DNAH14: variants seen among roughly 807,000 people sequenced by gnomAD.
DNAH14 encodes the protein axonemal beta dynein heavy chain 14.
In DNAH14, 478 loss-of-function variants were observed where a neutral mutation model predicts 520.9. The observed-to-expected ratio is 0.92, with a 90% CI of 0.85 to 0.99. The LOEUF is 0.99. Among genes scored for constraint, DNAH14 ranks in the 50% least tolerant of loss-of-function variants. The pLI is 0.00. For synonymous variants in DNAH14, 1,581 were observed against 1,757.2 expected, an observed-to-expected ratio of 0.90 and a Z score of 2.51; for missense variants, 4,831 against 5,234.5, an observed-to-expected ratio of 0.92 and a Z score of 2.38.
At chr1:225,134,693 T>A (rs2148981699) in intron 27 of DNAH14, among the ~76,000 whole-genome samples, 1 of 152,262 alleles carries the variant, frequency 6.6e-6, no homozygotes, top group East Asian at 1.9e-4. Context: ...TCTTTTTTTG[T>A]TGTATCTCTG....
intron 17 of DNAH14, among the ~76,000 whole-genome samples, chr1:225,061,537 C>T (rs542919700): frequency 3.3e-5 from 5 of 152,376 alleles, no homozygotes; most frequent in African/African-American, 1.2e-4. Context: ...CCACTGCTGA[C>T]ACTGCCCAGT....
chr1:225,013,538 G>T (rs1021754656), intron 10 of DNAH14, among the ~76,000 whole-genome samples: 7 of 152,180 alleles, frequency 4.6e-5, no homozygotes, highest in African/African-American at 1.7e-4. Flanking sequence ...GTTTAAGTCT[G>T]CTGAAGCTCT....
intron 73 of DNAH14, among the ~76,000 whole-genome samples, chr1:225,358,081 T>C (rs369330894): frequency 3.3e-5 from 5 of 152,346 alleles, no homozygotes; most frequent in African/African-American, 1.2e-4. Flanking sequence ...AATGGAAGAA[T>C]TAATACTTTT....
In DNAH14 at chr1:225,374,701, T is replaced by G; in HGVS notation, c.12332T>G (p.Val4111Gly). The G allele has an allele frequency of 3.2e-6, 5 of 1,548,168 alleles. No individual in the cohort carries two copies. Among genetic ancestry groups the G allele is most frequent in the Non-Finnish European group, 4.4e-6 (5 of 1,144,742 alleles). Residue 4111 changes from valine (V) to glycine (G), a missense_variant, in exon 78 of 86, where the codon GTG (valine) becomes GGG (glycine). Transcript: ENST00000682510. ...GGTTTTCCAAAGGTTGCCATTAAGG[T>G]GTTGGAAAATTCCCTGAGAGGACAG... ...NSSDLGVAIK[V>G]LENSLRGQPS... is the part of the protein sequence containing the mutation.
chr1:225,005,537 G>T (rs1161369397), intron 9 of DNAH14, among the ~76,000 whole-genome samples: 1 of 152,112 alleles, frequency 6.6e-6, no homozygotes, highest in East Asian at 1.9e-4. Context: ...TCATCAGTAA[G>T]ACCAGAAAGG....
chr1:225,382,925 C>A (rs1406469091), intron 81 of DNAH14, among the ~76,000 whole-genome samples: 1 of 152,144 alleles, frequency 6.6e-6, no homozygotes, highest in Non-Finnish European at 1.5e-5. Context: ...AACAGTAGTT[C>A]TTCTGTGCTA....
intron 31 of DNAH14, among the ~76,000 whole-genome samples, chr1:225,151,362 G>A (rs2080484997): frequency 6.6e-6 from 1 of 152,016 alleles, no homozygotes; most frequent in African/African-American, 2.4e-5. Context: ...ACATTTCACT[G>A]ACTCTTCTAC....
At chr1:225,303,803 TG>T (rs2150083921) in intron 57 of DNAH14, among the ~76,000 whole-genome samples, 1 of 152,268 alleles carries the variant, frequency 6.6e-6, no homozygotes, top group South Asian at 2.1e-4. Flanking sequence ...GAACCTATTC[TG>T]GAGTGACTAA....
chr1:225,104,212 G>C (rs1034221099), intron 23 of DNAH14, among the ~76,000 whole-genome samples: 4 of 152,144 alleles, frequency 2.6e-5, no homozygotes, highest in Admixed American at 2.6e-4. Context: ...TGTTAAACCA[G>C]CCTTGAATCC....
chr1:225,078,803 TC>T, intron 17 of DNAH14, among the ~76,000 whole-genome samples: 1 of 48,208 alleles, frequency 2.1e-5, no homozygotes, highest in African/African-American at 5.6e-5. Context: ...TCTCTCTCTC[TC>T]TCTCTCTCTC....
chr1:225,335,937 A>G (rs115526846), intron 66 of DNAH14, among the ~76,000 whole-genome samples: 72 of 117,824 alleles, frequency 6.1e-4, no homozygotes, highest in African/African-American at 1.8e-3. Flanking sequence ...ATACCTATAT[A>G]TACATATATG....
intron 42 of DNAH14, among the ~76,000 whole-genome samples, chr1:225,233,927 C>T (rs1282126472): frequency 6.6e-6 from 1 of 152,108 alleles, no homozygotes; most frequent in Non-Finnish European, 1.5e-5. Context: ...TTTGGTTTTA[C>T]ATTTAAGTCT....
At chr1:225,254,420 A>T (rs2092667574) in intron 44 of DNAH14, among the ~76,000 whole-genome samples, 1 of 152,214 alleles carries the variant, frequency 6.6e-6, no homozygotes, top group Non-Finnish European at 1.5e-5. Flanking sequence ...GTTGCAGGTG[A>T]ATACAGGTGA....
chr1:225,177,434 C>T (rs2083451076), intron 36 of DNAH14, among the ~76,000 whole-genome samples: 1 of 152,124 alleles, frequency 6.6e-6, no homozygotes, highest in Non-Finnish European at 1.5e-5. Flanking sequence ...CAGAAATTTG[C>T]ATAAGTAATG....
At position 225,322,750 on chromosome 1, in the gene DNAH14, C is replaced by T; in HGVS notation, c.9422C>T (p.Ala3141Val). 1 of 1,551,698 alleles carries T rather than the reference C, an allele frequency of 6.4e-7. No individual in the cohort carries two copies. The highest frequency in any genetic ancestry group is 1.2e-5 in the South Asian group (1 of 84,056). Reference protein sequence around the residue: ...LLQKKPNWATAKLLLSETGFL... With the variant: ...LLQKKPNWATVKLLLSETGFL... ...CAAAAGAAACCTAACTGGGCAACGG[C>T]AAAGTTACTTCTTTCAGAAACTGGT... The change falls in exon 62 of 86, where the codon GCA becomes GTA. Residue 3141 changes from alanine (A) to valine (V), a missense_variant. By Grantham distance (64) the Ala-to-Val change is moderately conservative. Transcript: ENST00000682510.
chr1:225,227,774 C>G (rs529239976), intron 41 of DNAH14, among the ~76,000 whole-genome samples: 37 of 152,258 alleles, frequency 2.4e-4, no homozygotes, highest in African/African-American at 8.2e-4. Flanking sequence ...TCCCTTAACA[C>G]CTGGCATGGG....
chr1:225,177,921 G>T (rs2083507862), intron 36 of DNAH14, among the ~76,000 whole-genome samples: 1 of 152,120 alleles, frequency 6.6e-6, no homozygotes, highest in Non-Finnish European at 1.5e-5. Flanking sequence ...AACCCAGGAT[G>T]GTAGATCCAC....
intron 81 of DNAH14, among the ~76,000 whole-genome samples, chr1:225,386,885 T>C (rs1022062701): frequency 1.3e-5 from 2 of 152,242 alleles, no homozygotes; most frequent in Non-Finnish European, 2.9e-5. Context: ...TTACTGGGCA[T>C]ATATCCAAAG....
chr1:225,173,765 T>C (rs1282310944), intron 36 of DNAH14, among the ~76,000 whole-genome samples: 3 of 152,210 alleles, frequency 2.0e-5, no homozygotes, highest in African/African-American at 7.2e-5. Flanking sequence ...ACTGGGTATA[T>C]ACCCAAAGGA....
Sources: allele counts gnomAD v4.1 joint callset (sites outside exome capture counted in the v4.1 genomes callset), GRCh38; gene constraint gnomAD v4.1.1; transcripts MANE v1.5; gene names NCBI Gene and HGNC (gene_info 2026-07-23, HGNC 2026-07-21).